ROCK2: variants seen among roughly 807,000 people sequenced by gnomAD.
ROCK2 encodes the protein rho-associated protein kinase 2.
Under a neutral mutation model 195.1 loss-of-function variants are expected in ROCK2, and 61 were observed. The ratio of observed to expected loss-of-function variants is 0.31; its 90% confidence interval spans 0.25 to 0.39. ROCK2 has a LOEUF of 0.39. Among genes scored for constraint, ROCK2 ranks in the 10% least tolerant of loss-of-function variants. The pLI, the probability that ROCK2 is intolerant of heterozygous loss-of-function variation, is 1.00. For synonymous variants in ROCK2, 504 were observed against 545.5 expected (o/e 0.92, Z 1.06); for missense variants, 1,109 against 1,637.4 (o/e 0.68, Z 5.57).
At chr2:11,319,863 T>C (rs1177107411) in intron 1 of ROCK2, among the ~76,000 whole-genome samples, 1 of 152,222 alleles carries the variant, frequency 6.6e-6, no homozygotes, top group East Asian at 1.9e-4. Flanking sequence ...TATTTTATAC[T>C]ATATTATCAT....
At chr2:11,316,404 G>A (rs1668193666) in intron 1 of ROCK2, among the ~76,000 whole-genome samples, 1 of 152,092 alleles carries the variant, frequency 6.6e-6, no homozygotes, top group Non-Finnish European at 1.5e-5. Context: ...AACAATAAAG[G>A]TAGCATTAAC....
chr2:11,214,716 A>G (rs986472066), intron 16 of ROCK2, 124 bp downstream of exon 16: 22 of 928,982 alleles, frequency 2.4e-5, no homozygotes, highest in Non-Finnish European at 3.5e-5. Context: ...TGTATTTCTA[A>G]TATTCTAACT....
chr2:11,243,631 A>G lies in ROCK2; in HGVS notation c.462+6030T>C, dbSNP rs192119184. ...AGAAAAACATCAGACAAATTCCTAC[A>G]GAGGAGCATCCACATCCTACAGTAT... On this transcript the variant is annotated intron_variant, in intron 4 of 32. Coordinates refer to ENST00000315872, the MANE Select transcript of ROCK2 (RefSeq NM_004850.5). Among the ~76,000 whole-genome samples, 10 of 152,300 alleles carry G rather than the reference A, an allele frequency of 6.6e-5. No individual in the cohort carries two copies. In the East Asian group the frequency reaches 1.9e-3, roughly 29 times the overall value.
At chr2:11,287,316 T>A (rs1667230525) in intron 2 of ROCK2, among the ~76,000 whole-genome samples, 1 of 152,174 alleles carries the variant, frequency 6.6e-6, no homozygotes. Context: ...TACAGAAGTA[T>A]AAAGCTTATT....
At chr2:11,299,646 A>G (rs1667644954) in intron 1 of ROCK2, among the ~76,000 whole-genome samples, 1 of 152,232 alleles carries the variant, frequency 6.6e-6, no homozygotes, top group Non-Finnish European at 1.5e-5. Flanking sequence ...TATTCATATA[A>G]CTACCACTAA....
At chr2:11,237,247 A>T (rs532965856) in intron 4 of ROCK2, among the ~76,000 whole-genome samples, 1 of 152,190 alleles carries the variant, frequency 6.6e-6, no homozygotes, top group Non-Finnish European at 1.5e-5. Flanking sequence ...GGACCAAAAA[A>T]ACCCTGAAGT....
intron 3 of ROCK2, among the ~76,000 whole-genome samples, chr2:11,270,907 C>A (rs1053473561): frequency 6.6e-6 from 1 of 152,106 alleles, no homozygotes; most frequent in Non-Finnish European, 1.5e-5. Context: ...TCCTTGATAG[C>A]GGGACATGAT....
chr2:11,334,005 T>C (rs958587472), intron 1 of ROCK2, among the ~76,000 whole-genome samples: 2 of 152,198 alleles, frequency 1.3e-5, no homozygotes, highest in Non-Finnish European at 2.9e-5. Context: ...ATCCGGAAAA[T>C]ATCCAAATCA....
chr2:11,229,104 G>A (rs899990510), intron 5 of ROCK2, among the ~76,000 whole-genome samples: 1 of 152,056 alleles, frequency 6.6e-6, no homozygotes, highest in Non-Finnish European at 1.5e-5. Context: ...ACTTGGGTAG[G>A]ACTAAAGATT....
intron 1 of ROCK2, among the ~76,000 whole-genome samples, chr2:11,333,086 C>T (rs1286294922): frequency 6.6e-6 from 1 of 152,074 alleles, no homozygotes; most frequent in African/African-American, 2.4e-5. Flanking sequence ...GATGGTTACA[C>T]AAATTTGTAA....
chr2:11,193,206 G>A (rs1037406417), intron 30 of ROCK2, among the ~76,000 whole-genome samples: 5 of 152,116 alleles, frequency 3.3e-5, no homozygotes, highest in African/African-American at 1.2e-4. Flanking sequence ...GAAAGGATGT[G>A]TATTAAACTC....
intron 1 of ROCK2, among the ~76,000 whole-genome samples, chr2:11,307,020 T>A (rs1210479592): frequency 1.3e-5 from 2 of 152,230 alleles, no homozygotes; most frequent in African/African-American, 2.4e-5. Flanking sequence ...AAAAGACATA[T>A]GTAACTGAGG....
rs557284647 is a variant in ROCK2 at position 11,182,270 on chromosome 2, T to C, written c.*1167A>G. 2 of 152,348 alleles carry C rather than the reference T, an allele frequency of 1.3e-5. No homozygotes were observed. Among genetic ancestry groups the C allele is most frequent in the South Asian group, 4.1e-4 (2 of 4,832 alleles). 9.4% of individuals were successfully genotyped at this position (152,348 alleles called of 1,614,324 possible). On this transcript the variant is annotated 3_prime_UTR_variant, in exon 33 of 33. Coordinates refer to ENST00000315872, the MANE Select transcript of ROCK2 (RefSeq NM_004850.5). ...GAGGATCATATTTAAATATTTAAAA[T>C]GCATCTACAGTCTGTCTTAGTTTTC... is the stretch of plus-strand genomic sequence containing the variant.
chr2:11,268,526 G>C (rs921636091), intron 3 of ROCK2, among the ~76,000 whole-genome samples: 40 of 119,790 alleles, frequency 3.3e-4, no homozygotes, highest in Non-Finnish European at 6.0e-4. Flanking sequence ...TTTGCACTGT[G>C]TGTGTGTGTG....
At chr2:11,303,152 G>C (rs1667757905) in intron 1 of ROCK2, among the ~76,000 whole-genome samples, 1 of 152,180 alleles carries the variant, frequency 6.6e-6, no homozygotes, top group East Asian at 1.9e-4. Context: ...GATTAGTTCA[G>C]ATAAAACTTA....
At chr2:11,294,059 A>G (rs1437032491) in intron 1 of ROCK2, among the ~76,000 whole-genome samples, 1 of 152,142 alleles carries the variant, frequency 6.6e-6, no homozygotes, top group Non-Finnish European at 1.5e-5. Context: ...TGGAAGGCTG[A>G]GGCAGGAGAA....
At chr2:11,275,201 G>A (rs562662861) in intron 3 of ROCK2, among the ~76,000 whole-genome samples, 1 of 151,388 alleles carries the variant, frequency 6.6e-6, no homozygotes, top group Admixed American at 6.6e-5. Flanking sequence ...AGGTTGCAGT[G>A]AGCCGTAATC....
At chr2:11,240,742 C>G (rs924089147) in intron 4 of ROCK2, among the ~76,000 whole-genome samples, 1 of 152,186 alleles carries the variant, frequency 6.6e-6, no homozygotes, top group Admixed American at 6.5e-5. Context: ...ATACACTTCA[C>G]GCAGGTGAAT....
At chr2:11,237,991 T>C (rs562312205) in intron 4 of ROCK2, among the ~76,000 whole-genome samples, 5 of 152,218 alleles carry the variant, frequency 3.3e-5, no homozygotes, top group South Asian at 4.2e-4. Flanking sequence ...GGTGGGAGAA[T>C]TGCTGGAACC....
Sources: gnomAD v4.1 joint callset for allele counts (sites outside exome capture counted in the v4.1 genomes callset) on GRCh38, gnomAD v4.1.1 for gene constraint, MANE v1.5 for transcripts, NCBI Gene and HGNC (gene_info 2026-07-23, HGNC 2026-07-21) for gene names.